RBM26: variants seen among roughly 807,000 people sequenced by gnomAD.
RBM26 encodes the protein RNA-binding protein 26.
Under a neutral mutation model 123.6 loss-of-function variants are expected in RBM26, and 30 were observed. The observed-to-expected ratio is 0.24, with a 90% CI of 0.18 to 0.33. The LOEUF (loss-of-function observed/expected upper bound fraction) is 0.33. Ranked by LOEUF, RBM26 falls within the 10% of genes least tolerant of loss-of-function variation. The pLI, the probability that RBM26 is intolerant of heterozygous loss-of-function variation, is 1.00. For missense variants in RBM26, 947 were observed against 1,203.6 expected, an observed-to-expected ratio of 0.79 and a Z score of 3.15; for synonymous variants, 400 against 404.4, an observed-to-expected ratio of 0.99 and a Z score of 0.13.
At chr13:79,387,011 G>T (rs2077554353) in intron 1 of RBM26, among the ~76,000 whole-genome samples, 1 of 152,018 alleles carries the variant, frequency 6.6e-6, no homozygotes, top group Non-Finnish European at 1.5e-5. Context: ...ATATGTTAGA[G>T]ATTCACTTCT....
intron 20 of RBM26, among the ~76,000 whole-genome samples, chr13:79,324,359 T>C (rs1297890736): frequency 1.3e-5 from 2 of 151,874 alleles, no homozygotes; most frequent in Non-Finnish European, 2.9e-5. Context: ...GCCATATATA[T>C]TATATATTTA....
chr13:79,369,911 A>C (rs529130344), intron 5 of RBM26, among the ~76,000 whole-genome samples: 1 of 152,294 alleles, frequency 6.6e-6, no homozygotes, highest in South Asian at 2.1e-4. Flanking sequence ...ATCACTTCCA[A>C]AAGAATCCTC....
At chr13:79,318,141 G>C (rs116252050), downstream of RBM26, among the ~76,000 whole-genome samples, 3 of 151,354 alleles carry the variant, frequency 2.0e-5, no homozygotes, top group Non-Finnish European at 1.5e-5. Context: ...TGACCAAGTA[G>C]TCTGCTAATT....
At chr13:79,362,249 G>A (rs1229903017) in intron 9 of RBM26, among the ~76,000 whole-genome samples, 2 of 152,138 alleles carry the variant, frequency 1.3e-5, no homozygotes, top group East Asian at 3.8e-4. Flanking sequence ...ATCCAGGGCA[G>A]GAAACGGGTG....
chr13:79,338,374 C>T (rs552433907), intron 18 of RBM26, among the ~76,000 whole-genome samples: 4 of 152,096 alleles, frequency 2.6e-5, no homozygotes, highest in East Asian at 3.9e-4. Context: ...TTTTATTCTC[C>T]GCTTTATTCC....
intron 18 of RBM26, among the ~76,000 whole-genome samples, chr13:79,338,872 T>C (rs958433827): frequency 2.0e-5 from 3 of 152,176 alleles, no homozygotes; most frequent in African/African-American, 7.2e-5. Context: ...TAAAATTTGA[T>C]AATTAATTAG....
At chr13:79,398,978 T>C (rs953765020) in intron 1 of RBM26, among the ~76,000 whole-genome samples, 5 of 152,204 alleles carry the variant, frequency 3.3e-5, no homozygotes, top group African/African-American at 1.2e-4. Flanking sequence ...AACAGGAACA[T>C]AGTTAAATCT....
chr13:79,359,748 A>G (rs964652098), intron 9 of RBM26, 62 bp from the exon 10 acceptor site: 3 of 755,492 alleles, frequency 4.0e-6, no homozygotes, highest in Admixed American at 3.0e-5. Context: ...TATTTATCAT[A>G]GATACCTTCC....
chr13:79,376,236 G>C (rs2076658671), intron 3 of RBM26: 1 of 151,856 alleles, frequency 6.6e-6, no homozygotes. Context: ...GTCTTGCTCA[G>C]TTGCCTAGGC....
chr13:79,396,236 T>TCAAG (rs2078549236), intron 1 of RBM26, among the ~76,000 whole-genome samples: 2 of 4,102 alleles, frequency 4.9e-4, no homozygotes, highest in Non-Finnish European at 4.5e-3. Context: ...AGGTTCCACT[T>TCAAG]TAAGAGGAAA....
At chr13:79,396,476 T>G (rs1488701654) in intron 1 of RBM26, among the ~76,000 whole-genome samples, 1 of 152,208 alleles carries the variant, frequency 6.6e-6, no homozygotes, top group East Asian at 1.9e-4. Context: ...AAGGTTACAA[T>G]GCAATGTCAA....
At chr13:79,386,493 A>G (rs1014146470) in intron 1 of RBM26, among the ~76,000 whole-genome samples, 1 of 150,418 alleles carries the variant, frequency 6.6e-6, no homozygotes, top group Admixed American at 6.7e-5. Flanking sequence ...AAAAGTTTGT[A>G]CTGTTCAGTG....
Position 79,359,793 on chromosome 13 carries a change from T to A in RBM26, c.1418-107A>T, listed in dbSNP as rs1266432883. 7 of 204,622 alleles carry A rather than the reference T, an allele frequency of 3.4e-5. No homozygotes were observed. The Admixed American group carries it at 4.5e-4, about 13-fold the overall frequency. The allele number at this position is 204,622 out of a possible 1,614,324, so 12.7% of individuals were successfully genotyped here. On this transcript the variant is annotated intron_variant, in intron 9 of 21. Transcript: ENST00000438737. ...AAAATTTCTGGCTTTTGTCTAAATA[T>A]ATATATATATATATAATTTTTTTTT...
chr13:79,377,156 A>G (rs2076725298), intron 3 of RBM26: 4 of 427,960 alleles, frequency 9.3e-6, no homozygotes, highest in Non-Finnish European at 8.5e-6. Context: ...TTGGCCTCAT[A>G]CACCTTTTCC....
intron 1 of RBM26, among the ~76,000 whole-genome samples, chr13:79,394,178 A>C (rs1418383517): frequency 1.3e-5 from 2 of 152,090 alleles, no homozygotes; most frequent in African/African-American, 4.8e-5. Context: ...ACAAACACTA[A>C]CTGGAACTGC....
At chr13:79,332,651 T>G (rs1304205634) in intron 20 of RBM26, among the ~76,000 whole-genome samples, 3 of 152,198 alleles carry the variant, frequency 2.0e-5, no homozygotes, top group Admixed American at 2.0e-4. Flanking sequence ...GTAATTCTCA[T>G]TAGACCTAAC....
Position 79,368,752 on chromosome 13 carries a change from C to T in RBM26, c.873G>A (p.Lys291=). ...HNSYVRPPMP[K]KRCRDYDEKG... Reference sequence around the variant, plus strand: ...TACCATCATAGTCTCTACACCGTTTCTTTGGCATGGGTGGTCTTACGTAAG... The same window carrying T: ...TACCATCATAGTCTCTACACCGTTTTTTTGGCATGGGTGGTCTTACGTAAG... Residue 291 remains lysine (K), a synonymous_variant, in exon 6 of 22, where the codon AAG becomes AAA. Coordinates refer to ENST00000438737, the MANE Select transcript of RBM26 (RefSeq NM_001366735.2). 6.2e-7 allele frequency: 1 copy of T among 1,613,982 alleles called. No homozygotes were observed. The highest frequency in any genetic ancestry group is 1.1e-5 in the South Asian group (1 of 91,068).
intron 20 of RBM26, among the ~76,000 whole-genome samples, chr13:79,333,703 T>A (rs1164177032): frequency 6.6e-6 from 1 of 152,194 alleles, no homozygotes; most frequent in Non-Finnish European, 1.5e-5. Context: ...TTTTCCTTTT[T>A]TTTTAATCTT....
At chr13:79,321,373 GATATGT>G (rs1355319403) in intron 21 of RBM26, among the ~76,000 whole-genome samples, 3 of 151,346 alleles carry the variant, frequency 2.0e-5, no homozygotes, top group African/African-American at 7.3e-5. Context: ...TTTGACTATG[GATATGT>G]ATAACAGCCT....
Sources: gnomAD v4.1 joint callset for allele counts (sites outside exome capture counted in the v4.1 genomes callset) on GRCh38, gnomAD v4.1.1 for gene constraint, MANE v1.5 for transcripts, NCBI Gene and HGNC (gene_info 2026-07-23, HGNC 2026-07-21) for gene names.